Variants in ESPL1 observed in about 807,000 individuals in gnomAD.
The protein encoded by ESPL1 is extra spindle pole bodies like 1, separase.
In ESPL1, 50 loss-of-function variants were observed where a neutral mutation model predicts 217.2. That is an observed-to-expected ratio of 0.23 (90% CI 0.18 to 0.29). ESPL1 has a LOEUF of 0.29. Ranked by LOEUF, ESPL1 falls within the 10% of genes least tolerant of loss-of-function variation. The pLI is 1.00. For missense variants in ESPL1, 1,834 were observed against 2,603.0 expected (o/e 0.70, Z 6.43); for synonymous variants, 994 against 1,081.3 (o/e 0.92, Z 1.58).
intron 5 of ESPL1, among the ~76,000 whole-genome samples, chr12:53,272,431 G>A (rs995051067): frequency 1.3e-5 from 2 of 152,180 alleles, no homozygotes; most frequent in African/African-American, 4.8e-5. Context: ...AGTCAGCCAT[G>A]TGGGTTCCTG....
rs1280929706 is a variant in ESPL1, at chr12:53,282,272, G to A, written c.2628G>A (p.Lys876=). Residue 876 remains lysine (K), a synonymous_variant, in exon 14 of 31, where the codon AAG becomes AAA. Coordinates refer to ENST00000257934, the MANE Select transcript of ESPL1 (RefSeq NM_012291.5). This position sits in a 1 kb window ranked among gnomAD's most constrained non-coding sequence, Gnocchi z 4.0. ...QLYWTHQKVT[K]GVSLLLSVLR... The stretch of plus-strand genomic sequence containing the variant: ...CTCCTTCTCTCCTTCAGGTGACCAA[G>A]GGTGTCTCTCTGCTGCTGTCTGTGC... The A allele has an allele frequency of 1.2e-6, 2 of 1,613,880 alleles. No homozygotes were observed. Among genetic ancestry groups the A allele is most frequent in the East Asian group, 2.2e-5 (1 of 44,880 alleles).
At position 53,283,229 on chromosome 12, in the gene ESPL1, A is replaced by G. The variant is rs760927210; in HGVS notation, c.2892A>G (p.Ala964=). 8.1e-6 allele frequency: 13 copies of G among 1,614,126 alleles called. No individual in the cohort carries two copies. The highest frequency in any genetic ancestry group is 1.3e-5 in the African/African-American group (1 of 74,938). ...GTGACATTCTCTCAACTCAGAAAGCAGCTGTGGAGACATCGTTTTTGGACT... is the reference window on the plus strand; with the variant it reads ...GTGACATTCTCTCAACTCAGAAAGCGGCTGTGGAGACATCGTTTTTGGACT... The part of the protein sequence containing the change: ...MGSDILSTQK[A]AVETSFLDYG... The change falls in exon 15 of 31, where the codon GCA becomes GCG. Residue 964 remains alanine, a synonymous_variant. Transcript: ENST00000257934.
In ESPL1 at chr12:53,286,590, C is replaced by G. The variant is rs749773605; in HGVS notation, c.3854C>G (p.Thr1285Ser). 2 of 1,614,042 alleles carry G rather than the reference C, an allele frequency of 1.2e-6. No homozygotes were observed. Among genetic ancestry groups the G allele is most frequent in the Non-Finnish European group, 1.7e-6 (2 of 1,180,042 alleles). ...CTAGGTGGCCTCAGCTGCTGTACTACCCAACTTTTTGCAAGCTCCTGGGGC... is the reference window on the plus strand; with the variant it reads ...CTAGGTGGCCTCAGCTGCTGTACTAGCCAACTTTTTGCAAGCTCCTGGGGC... ...TKLGGLSCCT[T>S]QLFASSWGWQ... Residue 1285 changes from threonine (T) to serine (S), a missense_variant, in exon 18 of 31, where the codon ACC (threonine) becomes AGC (serine). By Grantham distance (58) the Thr-to-Ser change is moderately conservative. Transcript: ENST00000257934. The surrounding 1 kb of genome is among the most constrained non-coding windows in gnomAD (Gnocchi z 5.3).
At position 53,290,066 on chromosome 12, in the gene ESPL1, G is replaced by A; in HGVS notation, c.5114-19G>A. 6.2e-7 allele frequency: 1 copy of A among 1,610,638 alleles called. No individual in the cohort carries two copies. The highest frequency in any genetic ancestry group is 8.5e-7 in the Non-Finnish European group (1 of 1,179,048). On this transcript the variant is annotated intron_variant, in intron 22 of 30. Coordinates refer to ENST00000257934, the MANE Select transcript of ESPL1 (RefSeq NM_012291.5). ...TTCCTTTAACAGCTGAATGAGTCTGGCTGTATCCTGTGTGTCAGGGGTGAC... is the reference window on the plus strand; with the variant it reads ...TTCCTTTAACAGCTGAATGAGTCTGACTGTATCCTGTGTGTCAGGGGTGAC...
chr12:53,283,344 G>A (rs1170042504), intron 15 of ESPL1, 38 bp from the exon 16 acceptor site: 2 of 1,613,238 alleles, frequency 1.2e-6, no homozygotes, highest in Admixed American at 1.7e-5. Flanking sequence ...GATCCACACT[G>A]TGGCTGAGTG....
chr12:53,277,410 AGCCAGGACGATAG>A, intron 9 of ESPL1, 47 bp from the exon 10 acceptor site: 1 of 1,573,372 alleles, frequency 6.4e-7, no homozygotes, highest in South Asian at 1.1e-5. Flanking sequence ...CCTGCCGAGT[AGCCAGGACGATAG>A]GCCCACACCA....
intron 5 of ESPL1, among the ~76,000 whole-genome samples, chr12:53,271,623 TGCACTCCAGCCTGGGCAAGAGG>T (rs1315846425): frequency 2.0e-5 from 3 of 150,734 alleles, no homozygotes; most frequent in African/African-American, 7.3e-5. Context: ...ATTGCACCAC[TGCACTCCAGCCTGGGCAAGAGG>T]GCACTCCAGC....
chr12:53,291,058 T>C, intron 25 of ESPL1, 62 bp downstream of exon 25: 1 of 1,433,452 alleles, frequency 7.0e-7, no homozygotes, highest in Non-Finnish European at 9.5e-7. Flanking sequence ...ATCCCAGCAC[T>C]TTGGGAGGCC....
Position 53,287,052 on chromosome 12 carries a change from A to AC in ESPL1, c.4176+144dup, listed in dbSNP as rs1369367668. The stretch of plus-strand genomic sequence containing the variant: ...ACTTTAATCTCCTGCTATCTGCAGT[A>AC]CCCCAATATCTTGCTTTTTTGTTTT... On this transcript the variant is annotated intron_variant, in intron 18 of 30. Coordinates refer to ENST00000257934, the MANE Select transcript of ESPL1 (RefSeq NM_012291.5). 5 of 799,214 alleles carry AC rather than the reference A, an allele frequency of 6.3e-6. No homozygotes were observed. In the East Asian group the frequency reaches 1.1e-4, roughly 17 times the overall value. The allele number at this position is 799,214 out of a possible 1,614,324, so 49.5% of individuals were successfully genotyped here. A position where few individuals can be genotyped will look rare whatever the true frequency, so the allele number is the denominator to read the frequency against.
At chr12:53,287,899 A>T (rs1379610) in intron 18 of ESPL1, 73 bp from the exon 19 acceptor site, 1 of 1,463,116 alleles carries the variant, frequency 6.8e-7, no homozygotes, top group African/African-American at 1.4e-5. Flanking sequence ...TGCCTCCACT[A>T]CGCCACCTGC....
In ESPL1 at chr12:53,293,001, G is replaced by A; in HGVS notation, c.6161+31G>A. 1 of 1,599,066 alleles carries A rather than the reference G, an allele frequency of 6.3e-7. No homozygotes were observed. Among genetic ancestry groups the A allele is most frequent in the Non-Finnish European group, 8.5e-7 (1 of 1,171,692 alleles). Reference sequence around the variant, plus strand: ...TCTCCAAGGGCAAGACCCATCCTAGGGCATTAGGACTCCTGCCCTCACCCC... The same window carrying A: ...TCTCCAAGGGCAAGACCCATCCTAGAGCATTAGGACTCCTGCCCTCACCCC... On this transcript the variant is annotated intron_variant, in intron 30 of 30. Coordinates refer to ENST00000257934, the MANE Select transcript of ESPL1 (RefSeq NM_012291.5). This position sits in a 1 kb window ranked among gnomAD's most constrained non-coding sequence, Gnocchi z 4.2.
intron 8 of ESPL1, 41 bp downstream of exon 8, chr12:53,276,900 C>T (rs1189272220): frequency 6.2e-7 from 1 of 1,600,148 alleles, no homozygotes; most frequent in African/African-American, 1.3e-5. Flanking sequence ...TGCTCCTTGC[C>T]CTAGGTCCTC....
At chr12:53,289,044 T>G in intron 20 of ESPL1, 46 bp from the exon 21 acceptor site, 15 of 1,454,602 alleles carry the variant, frequency 1.0e-5, no homozygotes, top group Non-Finnish European at 1.4e-5. Context: ...CTATCAACTA[T>G]GAAATAAGGA....
chr12:53,277,338 G>C, intron 9 of ESPL1, 111 bp downstream of exon 9: 1 of 1,468,372 alleles, frequency 6.8e-7, no homozygotes, highest in Non-Finnish European at 9.2e-7. Context: ...TTTAGAGATG[G>C]GGTCTCTCTG....
At chr12:53,287,799 A>G in intron 18 of ESPL1, 173 bp from the exon 19 acceptor site, 1 of 586,990 alleles carries the variant, frequency 1.7e-6, no homozygotes, top group Non-Finnish European at 2.9e-6. Flanking sequence ...TCCACACCCA[A>G]GAGTCGCTGC....
intron 11 of ESPL1, among the ~76,000 whole-genome samples, chr12:53,278,897 C>T (rs929253700): frequency 6.6e-6 from 1 of 150,722 alleles, no homozygotes; most frequent in Non-Finnish European, 1.5e-5. Flanking sequence ...TCCGCCCCGC[C>T]CCCCCGCCGA....
chr12:53,289,456 C>T lies in ESPL1; in HGVS notation c.4975C>T (p.Leu1659=). 1 of 1,614,166 alleles carries T rather than the reference C, an allele frequency of 6.2e-7. No individual in the cohort carries two copies. Among genetic ancestry groups the T allele is most frequent in the Non-Finnish European group, 8.5e-7 (1 of 1,180,044 alleles). The part of the protein sequence containing the change: ...SLEIADQLQG[L]SLQEMPGDVP... ...TGAAATAGCAGACCAGCTGCAGGGG[C>T]TGAGCCTTCAGGAGATGCCTGGAGA... Residue 1659 remains leucine, a synonymous_variant, in exon 22 of 31, where the codon CTG becomes TTG. Transcript: ENST00000257934.
chr12:53,289,056 T>C (rs1282155321), intron 20 of ESPL1, 34 bp from the exon 21 acceptor site: 2 of 1,511,900 alleles, frequency 1.3e-6, no homozygotes, highest in African/African-American at 2.7e-5. Flanking sequence ...AAATAAGGAA[T>C]TCAGCTGTAC....
rs200584190 is a variant in ESPL1, at chr12:53,286,124, A to G, written c.3388A>G (p.Lys1130Glu). The part of the protein sequence containing the change: ...APSTNSSPVL[K>E]TKPQPIPNFL... ...TTCTACAAACTCCTCCCCAGTCTTG[A>G]AAACCAAGCCCCAGCCCATACCCAA... The change falls in exon 18 of 31, where the codon AAA (lysine) becomes GAA (glutamate). Residue 1130 changes from lysine to glutamate, a missense_variant. Around this residue, in one of 5 missense-constraint regions of ESPL1, gnomAD observed 681 missense variants for 808.0 expected, o/e 0.84. Coordinates refer to ENST00000257934, the MANE Select transcript of ESPL1 (RefSeq NM_012291.5). The surrounding 1 kb of genome is among the most constrained non-coding windows in gnomAD (Gnocchi z 5.3). 24 of 1,613,892 alleles carry G rather than the reference A, an allele frequency of 1.5e-5. No individual in the cohort carries two copies. Among genetic ancestry groups the G allele is most frequent in the Non-Finnish European group, 1.9e-5 (23 of 1,179,880 alleles).
Sources: allele counts gnomAD v4.1 joint callset (sites outside exome capture counted in the v4.1 genomes callset), GRCh38; gene constraint gnomAD v4.1.1; regional missense constraint gnomAD v4.1.1; non-coding constraint Gnocchi (gnomAD v3.1); transcripts MANE v1.5; gene names NCBI Gene and HGNC (gene_info 2026-07-23, HGNC 2026-07-21).